The following APBA2 variants were observed in gnomAD, a reference collection of about 807,000 sequenced individuals.
APBA2 encodes the protein amyloid-beta A4 precursor protein-binding family A member 2.
Under a neutral mutation model 75.0 loss-of-function variants are expected in APBA2, and 30 were observed. The observed-to-expected ratio is 0.40, with a 90% confidence interval of 0.30 to 0.54. The LOEUF (loss-of-function observed/expected upper bound fraction) is 0.54, where lower values mean the gene tolerates loss of function less well. APBA2 is among the 20% of genes least tolerant of loss of function. The probability of loss-of-function intolerance (pLI) is 0.49; values close to 1 mark genes in which losing one functional copy is unlikely to be tolerated. For missense variants in APBA2, 801 were observed against 1,016.1 expected (o/e 0.79, Z 2.88); for synonymous variants, 444 against 409.6 (o/e 1.08, Z -1.01).
At chr15:28,981,703 C>T (rs1019952076) in intron 2 of APBA2, among the ~76,000 whole-genome samples, 1 of 152,134 alleles carries the variant, frequency 6.6e-6, no homozygotes, top group Admixed American at 6.5e-5. Context: ...GACACATGCA[C>T]TTGTATGTTC....
At chr15:29,064,277 C>T (rs1459619577) in intron 4 of APBA2, among the ~76,000 whole-genome samples, 1 of 152,158 alleles carries the variant, frequency 6.6e-6, no homozygotes, top group Admixed American at 6.5e-5. Flanking sequence ...CCCGAATTCA[C>T]ACTCTTCAAA....
intron 2 of APBA2, among the ~76,000 whole-genome samples, chr15:28,947,707 A>C (rs1411861768): frequency 6.6e-6 from 1 of 152,184 alleles, no homozygotes; most frequent in African/African-American, 2.4e-5. Flanking sequence ...ACTAAGCCTT[A>C]AAATCAGGAG....
At chr15:28,950,890 CTG>C (rs2035830593) in intron 2 of APBA2, among the ~76,000 whole-genome samples, 1 of 152,130 alleles carries the variant, frequency 6.6e-6, no homozygotes, top group Non-Finnish European at 1.5e-5. Context: ...TAATCCAGTG[CTG>C]TGTTATTTAT....
intron 14 of APBA2, among the ~76,000 whole-genome samples, chr15:29,114,386 C>G (rs2044928714): frequency 6.6e-6 from 1 of 152,208 alleles, no homozygotes; most frequent in Admixed American, 6.5e-5. Flanking sequence ...TGCCCTGTCC[C>G]ACTTCACTGG....
chr15:29,095,520 C>T (rs1003568169), intron 8 of APBA2, among the ~76,000 whole-genome samples: 2 of 152,232 alleles, frequency 1.3e-5, no homozygotes, highest in Admixed American at 6.5e-5. Context: ...CCTCCTCATA[C>T]AGAAAATATC....
intron 2 of APBA2, among the ~76,000 whole-genome samples, chr15:28,924,695 C>T (rs1479911087): frequency 1.3e-5 from 2 of 152,166 alleles, no homozygotes; most frequent in Non-Finnish European, 2.9e-5. Flanking sequence ...CACCTTTTGA[C>T]TGTCAGGAAT....
At chr15:28,905,461 G>A (rs2033085900) in intron 1 of APBA2, among the ~76,000 whole-genome samples, 1 of 152,226 alleles carries the variant, frequency 6.6e-6, no homozygotes. Flanking sequence ...ATACTGAGAA[G>A]TCTTTAATAA....
At chr15:28,979,560 T>C (rs549794318) in intron 2 of APBA2, among the ~76,000 whole-genome samples, 1 of 152,192 alleles carries the variant, frequency 6.6e-6, no homozygotes, top group East Asian at 1.9e-4. Flanking sequence ...GAGTCCAGAG[T>C]TTCTTCCTGT....
At chr15:29,049,269 T>A (rs1366562082) in intron 3 of APBA2, among the ~76,000 whole-genome samples, 1 of 152,150 alleles carries the variant, frequency 6.6e-6, no homozygotes, top group African/African-American at 2.4e-5. Context: ...TAACAAAACT[T>A]GAAAATCACT....
chr15:29,101,118 A>G (rs988402799), intron 9 of APBA2, among the ~76,000 whole-genome samples: 1 of 147,634 alleles, frequency 6.8e-6, no homozygotes, highest in Non-Finnish European at 1.5e-5. Flanking sequence ...GAATGCTCCT[A>G]ACACCTTGCA....
chr15:28,977,211 C>G (rs1422348456), intron 2 of APBA2: 1 of 152,108 alleles, frequency 6.6e-6, no homozygotes, highest in Non-Finnish European at 1.5e-5. Flanking sequence ...TGGTGAGGGC[C>G]CTCTGCTTGG....
At position 28,960,986 on chromosome 15, in the gene APBA2, C is replaced by T. The variant is rs753116879; in HGVS notation, c.-94-34767C>T. 3.3e-5 allele frequency among the ~76,000 whole-genome samples: 5 copies of T among 151,922 alleles called. No homozygotes were observed. The South Asian group carries it at 6.2e-4, about 19-fold the overall frequency. On this transcript the variant is annotated intron_variant, in intron 2 of 14. Transcript: ENST00000683413. The stretch of plus-strand genomic sequence containing the variant: ...GTTGGTCAGGCTGGTCTCGAACTCC[C>T]GACCTCAGGTGATTCACCTGCCTCA...
intron 3 of APBA2, among the ~76,000 whole-genome samples, chr15:29,021,503 G>A (rs1399178790): frequency 6.6e-6 from 1 of 152,126 alleles, no homozygotes; most frequent in Non-Finnish European, 1.5e-5. Context: ...ACTCCAAAAA[G>A]CTGTACATAT....
intron 2 of APBA2, among the ~76,000 whole-genome samples, chr15:28,946,282 T>G (rs2035545894): frequency 6.6e-6 from 1 of 152,128 alleles, no homozygotes; most frequent in Non-Finnish European, 1.5e-5. Flanking sequence ...GATGGAGAGA[T>G]TATTCTGGAT....
chr15:28,887,902 C>G (rs1025601545), intron 1 of APBA2, among the ~76,000 whole-genome samples: 1 of 152,092 alleles, frequency 6.6e-6, no homozygotes, highest in African/African-American at 2.4e-5. Flanking sequence ...GAAGTGTGGT[C>G]TGTGCCCCTC....
At chr15:28,888,470 C>A (rs1352244755) in intron 1 of APBA2, among the ~76,000 whole-genome samples, 1 of 152,132 alleles carries the variant, frequency 6.6e-6, no homozygotes, top group African/African-American at 2.4e-5. Context: ...GCTTCAGAGA[C>A]CCCCTCGAGG....
intron 1 of APBA2, among the ~76,000 whole-genome samples, chr15:28,900,318 G>T (rs937739852): frequency 1.3e-5 from 2 of 152,216 alleles, no homozygotes; most frequent in African/African-American, 4.8e-5. Flanking sequence ...CCGTGCATCA[G>T]CGTCGTGGTG....
chr15:29,087,462 G>A (rs554842897), intron 6 of APBA2, among the ~76,000 whole-genome samples: 2 of 152,130 alleles, frequency 1.3e-5, no homozygotes, highest in African/African-American at 4.8e-5. Context: ...TCAACACTGT[G>A]GAACCCCCAA....
At chr15:29,086,555 C>A (rs1207111706) in intron 6 of APBA2, among the ~76,000 whole-genome samples, 2 of 152,180 alleles carry the variant, frequency 1.3e-5, no homozygotes, top group Admixed American at 1.3e-4. Flanking sequence ...CTCAAGGACA[C>A]CAGCATAATT....
Sources: allele counts gnomAD v4.1 joint callset (sites outside exome capture counted in the v4.1 genomes callset), GRCh38; gene constraint gnomAD v4.1.1; transcripts MANE v1.5; gene names NCBI Gene and HGNC (gene_info 2026-07-23, HGNC 2026-07-21).